XRN1: variants seen among roughly 807,000 people sequenced by gnomAD.
The protein encoded by XRN1 is strand-exchange protein 1 homolog.
A neutral mutation model predicts 222.3 loss-of-function variants in XRN1; 67 were observed. The observed-to-expected ratio is 0.30, with a 90% confidence interval of 0.25 to 0.37. XRN1 has a LOEUF of 0.37. XRN1 is among the 10% of genes least tolerant of loss of function. The pLI is 1.00. For missense variants in XRN1, 1,707 were observed against 2,000.2 expected (o/e 0.85, Z 2.80); for synonymous variants, 643 against 652.4 (o/e 0.99, Z 0.22).
Position 142,448,000 on chromosome 3 carries a change from G to C in XRN1, c.-56C>G, listed in dbSNP as rs963951525. On this transcript the variant is annotated 5_prime_UTR_variant, in exon 1 of 41. Coordinates refer to ENST00000392981, the MANE Select transcript of XRN1 (RefSeq NM_001282857.2). The surrounding 1 kb of genome is among the most constrained non-coding windows in gnomAD (Gnocchi z 4.2). ...CCAAACCGAAACCAAACGCCCCGCCGGGGCTCCGCCGCAGCCTCCGGTCGT... is the reference window on the plus strand; with the variant it reads ...CCAAACCGAAACCAAACGCCCCGCCCGGGCTCCGCCGCAGCCTCCGGTCGT... The C allele has an allele frequency of 1.6e-5, 26 of 1,581,574 alleles. No homozygotes were observed. The highest frequency in any genetic ancestry group is 1.7e-5 in the Non-Finnish European group (20 of 1,155,182).
At chr3:142,389,168 G>A (rs1168856852) in intron 20 of XRN1, among the ~76,000 whole-genome samples, 2 of 152,130 alleles carry the variant, frequency 1.3e-5, no homozygotes, top group African/African-American at 2.4e-5. Flanking sequence ...AGCCGAGATC[G>A]CACCACTGCA....
rs573226536 is a variant in XRN1 at position 142,383,170 on chromosome 3, T to C, written c.2616+130A>G. On this transcript the variant is annotated intron_variant, in intron 22 of 40. Coordinates refer to ENST00000392981, the MANE Select transcript of XRN1 (RefSeq NM_001282857.2). Reference sequence around the variant, plus strand: ...ATATATAAGTCAAACACTGTGTTCATAAGTTACATGGATAAATTCTTTATT... The same window carrying C: ...ATATATAAGTCAAACACTGTGTTCACAAGTTACATGGATAAATTCTTTATT... 3.6e-5 allele frequency: 27 copies of C among 743,018 alleles called. No individual in the cohort carries two copies. In the South Asian group the frequency reaches 4.7e-4, roughly 13 times the overall value. 46.0% of individuals were successfully genotyped at this position (743,018 alleles called of 1,614,324 possible). A position where few individuals can be genotyped will look rare whatever the true frequency, so the allele number is the denominator to read the frequency against.
At chr3:142,317,240 A>C (rs2065236367) in intron 39 of XRN1, among the ~76,000 whole-genome samples, 1 of 152,084 alleles carries the variant, frequency 6.6e-6, no homozygotes, top group Admixed American at 6.6e-5. Flanking sequence ...GTTTTAGAAA[A>C]GTTTATTATT....
At position 142,355,813 on chromosome 3, in the gene XRN1, T is replaced by C. The variant is rs75493261; in HGVS notation, c.3673-317A>G. Among the ~76,000 whole-genome samples the C allele has an allele frequency of 8.3e-3, 1,255 of 152,100 alleles. 19 individuals are homozygous for C. The highest frequency in any genetic ancestry group is 0.028 in the African/African-American group (1,146 of 41,462). On this transcript the variant is annotated intron_variant, in intron 31 of 40. Transcript: ENST00000392981. ...TCTTCTAGGGATGGGTTGCCATGTT[T>C]TGCTGTGTTGCCCAGGCTGGTGTTG...
chr3:142,426,857 A>C lies in XRN1; in HGVS notation c.309-16T>G. ...CTTTGCTGACCTTAAAGGTTAAGGG[A>C]AAAAAGTACCTTAAGTTTTCTGAAA... On this transcript the variant is annotated splice_polypyrimidine_tract_variant and intron_variant, in intron 2 of 40. Transcript: ENST00000392981. 1 of 1,603,280 alleles carries C rather than the reference A, an allele frequency of 6.2e-7. No homozygotes were observed. Among genetic ancestry groups the C allele is most frequent in the Non-Finnish European group, 8.5e-7 (1 of 1,173,672 alleles).
At chr3:142,436,527 C>G (rs2069919983) in intron 1 of XRN1, among the ~76,000 whole-genome samples, 1 of 152,148 alleles carries the variant, frequency 6.6e-6, no homozygotes, top group Non-Finnish European at 1.5e-5. Flanking sequence ...AAACGTGTAT[C>G]TTTGACCCAG....
intron 20 of XRN1, among the ~76,000 whole-genome samples, chr3:142,385,727 TTC>T (rs1039316101): frequency 6.6e-6 from 1 of 152,134 alleles, no homozygotes; most frequent in Non-Finnish European, 1.5e-5. Context: ...CCTTTCCATT[TTC>T]TCTTTCTAGA....
chr3:142,397,724 A>T lies in XRN1; in HGVS notation c.2208-264T>A, dbSNP rs903676208. Among the ~76,000 whole-genome samples the T allele has an allele frequency of 3.3e-5, 5 of 152,214 alleles. No homozygotes were observed. In the East Asian group the frequency reaches 7.7e-4, roughly 23 times the overall value. Reference sequence around the variant, plus strand: ...AAGAAGAAGATAAGTTGGTTAATACAAAGTTAGATAGAAGGAATAAGTTCC... The same window carrying T: ...AAGAAGAAGATAAGTTGGTTAATACTAAGTTAGATAGAAGGAATAAGTTCC... On this transcript the variant is annotated intron_variant, in intron 19 of 40. Coordinates refer to ENST00000392981, the MANE Select transcript of XRN1 (RefSeq NM_001282857.2).
At position 142,318,921 on chromosome 3, in the gene XRN1, A is replaced by G. The variant is rs780491980; in HGVS notation, c.4405-18T>C. On this transcript the variant is annotated intron_variant, in intron 37 of 40. Coordinates refer to ENST00000392981, the MANE Select transcript of XRN1 (RefSeq NM_001282857.2). The stretch of plus-strand genomic sequence containing the variant: ...GTCATTGTCTAAAAAAAGAGAATAT[A>G]TATGTCTATGAAATTCTCTGTCTAG... 21 of 1,592,974 alleles carry G rather than the reference A, an allele frequency of 1.3e-5. 1 individual carries two copies. The South Asian group carries it at 1.7e-4, about 13-fold the overall frequency.
chr3:142,323,952 C>T (rs953785022), intron 37 of XRN1, among the ~76,000 whole-genome samples: 1 of 151,634 alleles, frequency 6.6e-6, no homozygotes. Flanking sequence ...TACAAGGATA[C>T]AATGTATAAT....
intron 30 of XRN1, among the ~76,000 whole-genome samples, chr3:142,357,735 T>C (rs1175308514): frequency 6.7e-6 from 1 of 149,750 alleles, no homozygotes. Flanking sequence ...GCCTCGAACG[T>C]CTTAAAAACT....
intron 22 of XRN1, among the ~76,000 whole-genome samples, chr3:142,381,349 T>C (rs61265290): frequency 0.07 from 10,636 of 152,212 alleles, 1,252 homozygotes; most frequent in African/African-American, 0.24. Flanking sequence ...TAAATTTACA[T>C]TGACATAATA....
Position 142,347,185 on chromosome 3 carries a change from T to A in XRN1, c.3877+49A>T, listed in dbSNP as rs550268955. 66 of 1,227,572 alleles carry A rather than the reference T, an allele frequency of 5.4e-5. No homozygotes were observed. The South Asian group carries it at 6.8e-4, about 13-fold the overall frequency. The allele number at this position is 1,227,572 out of a possible 1,614,324, so 76.0% of individuals were successfully genotyped here. On this transcript the variant is annotated intron_variant, in intron 33 of 40. Transcript: ENST00000392981. ...TATATCAATAAAATGTTTATTTTTT[T>A]AAAAAAGAAGCAGCACACACAAGTA...
chr3:142,424,287 G>T (rs763827507), intron 5 of XRN1, among the ~76,000 whole-genome samples: 3 of 152,048 alleles, frequency 2.0e-5, no homozygotes, highest in Non-Finnish European at 4.4e-5. Context: ...GTAGAGATGG[G>T]GTTTAGCCAT....
intron 1 of XRN1, chr3:142,435,904 C>CA (rs2069876175): frequency 6.6e-6 from 1 of 150,786 alleles, no homozygotes; most frequent in Admixed American, 6.6e-5. Context: ...ACTAAAAATA[C>CA]AAAAAATTAG....
At position 142,383,382 on chromosome 3, in the gene XRN1, T is replaced by A; in HGVS notation, c.2534A>T (p.Asn845Ile). 1 of 1,613,956 alleles carries A rather than the reference T, an allele frequency of 6.2e-7. No homozygotes were observed. Among genetic ancestry groups the A allele is most frequent in the African/African-American group, 1.3e-5 (1 of 75,054 alleles). Reference protein sequence around the residue: ...DIRAFDSRFSNIKTLDDLFPL... With the variant: ...DIRAFDSRFSIIKTLDDLFPL... ...AAACAAATCATCCAATGTTTTGATA[T>A]TGGAGAAACGGGAGTCGAAAGCTCG... Residue 845 changes from asparagine to isoleucine, a missense_variant, in exon 22 of 41, where the codon AAT becomes ATT. Coordinates refer to ENST00000392981, the MANE Select transcript of XRN1 (RefSeq NM_001282857.2).
chr3:142,381,796 G>T (rs983873888), intron 22 of XRN1, among the ~76,000 whole-genome samples: 2 of 151,812 alleles, frequency 1.3e-5, no homozygotes, highest in African/African-American at 4.8e-5. Flanking sequence ...CGAACTCCTG[G>T]CCTCAAGTGA....
Position 142,422,892 on chromosome 3 carries a change from G to A in XRN1, c.741C>T (p.His247=), listed in dbSNP as rs1163646669. 1.9e-6 allele frequency: 3 copies of A among 1,612,148 alleles called. No individual in the cohort carries two copies. Among genetic ancestry groups the A allele is most frequent in the Non-Finnish European group, 2.5e-6 (3 of 1,178,814 alleles). The change falls in exon 7 of 41, where the codon CAC becomes CAT. Residue 247 remains histidine, a synonymous_variant. Transcript: ENST00000392981. The part of the protein sequence containing the change: ...RVCAPEETTF[H]LLHLSLMREY... ...CTCTCATTAAAGACAAGTGTAGAAG[G>A]TGAAATGTAGTTTCTTCTGGAGCAC... is the stretch of plus-strand genomic sequence containing the variant.
At chr3:142,435,148 C>A (rs1023750234) in intron 1 of XRN1, 1 of 152,080 alleles carries the variant, frequency 6.6e-6, no homozygotes, top group Non-Finnish European at 1.5e-5. Context: ...GTAATCCCAG[C>A]ACTTTGAGAG....
Sources: allele counts gnomAD v4.1 joint callset (sites outside exome capture counted in the v4.1 genomes callset), GRCh38; gene constraint gnomAD v4.1.1; non-coding constraint Gnocchi (gnomAD v3.1); transcripts MANE v1.5; gene names NCBI Gene and HGNC (gene_info 2026-07-23, HGNC 2026-07-21).